Variants in MTUS2 observed in about 807,000 individuals in gnomAD.
The protein encoded by MTUS2 is microtubule-associated tumor suppressor candidate 2.
A neutral mutation model predicts 114.1 loss-of-function variants in MTUS2; 40 were observed. The observed-to-expected ratio is 0.35, with a 90% CI of 0.27 to 0.46. MTUS2 has a LOEUF of 0.46. MTUS2 is among the 20% of genes least tolerant of loss of function. The probability of loss-of-function intolerance (pLI) is 1.00; values close to 1 mark genes in which losing one functional copy is unlikely to be tolerated. For missense variants in MTUS2, 1,679 were observed against 1,705.4 expected (o/e 0.98, Z 0.27); for synonymous variants, 688 against 672.0 (o/e 1.02, Z -0.37).
intron 2 of MTUS2, among the ~76,000 whole-genome samples, chr13:28,844,068 ATGT>A (rs542231432): frequency 2.0e-5 from 3 of 152,244 alleles, no homozygotes; most frequent in Non-Finnish European, 4.4e-5. Context: ...AATTATTCAA[ATGT>A]TGTATGAGTT....
At chr13:28,903,791 T>A (rs1253352691) in intron 2 of MTUS2, among the ~76,000 whole-genome samples, 1 of 152,066 alleles carries the variant, frequency 6.6e-6, no homozygotes, top group African/African-American at 2.4e-5. Flanking sequence ...ATGGGATGGC[T>A]GGGTCAAATG....
At chr13:29,140,124 G>T (rs766709712) in intron 5 of MTUS2, among the ~76,000 whole-genome samples, 1 of 152,026 alleles carries the variant, frequency 6.6e-6, no homozygotes, top group Non-Finnish European at 1.5e-5. Flanking sequence ...CATCAACATA[G>T]AGAGATTTAT....
At chr13:29,130,278 T>C (rs145575140) in intron 5 of MTUS2, among the ~76,000 whole-genome samples, 46 of 152,338 alleles carry the variant, frequency 3.0e-4, no homozygotes, top group African/African-American at 9.9e-4. Context: ...CTTATTATAC[T>C]GGACACCACA....
chr13:28,899,596 G>A (rs1372387909), intron 2 of MTUS2, among the ~76,000 whole-genome samples: 2 of 152,012 alleles, frequency 1.3e-5, no homozygotes, highest in East Asian at 1.9e-4. Context: ...ATTTTTAGTA[G>A]AGACGGGGTT....
intron 8 of MTUS2, among the ~76,000 whole-genome samples, chr13:29,369,989 G>A (rs376702802): frequency 6.6e-5 from 10 of 152,140 alleles, no homozygotes; most frequent in African/African-American, 2.4e-4. Context: ...TACAAAGATG[G>A]TCAATAGTAA....
intron 2 of MTUS2, among the ~76,000 whole-genome samples, chr13:28,888,961 T>TA (rs1277159795): frequency 1.3e-5 from 2 of 152,132 alleles, no homozygotes; most frequent in Non-Finnish European, 2.9e-5. Flanking sequence ...AGAAATAAAA[T>TA]TGTATGCTAG....
chr13:29,090,849 C>A (rs1262197661), intron 4 of MTUS2, among the ~76,000 whole-genome samples: 2 of 152,370 alleles, frequency 1.3e-5, no homozygotes, highest in African/African-American at 4.8e-5. Flanking sequence ...CCATGCCAAA[C>A]CCTTTGGGAC....
intron 2 of MTUS2, among the ~76,000 whole-genome samples, chr13:28,851,416 A>T (rs1327773550): frequency 6.6e-6 from 1 of 152,254 alleles, no homozygotes; most frequent in Non-Finnish European, 1.5e-5. Context: ...AAGGAATCAG[A>T]GTACCTGTTT....
intron 5 of MTUS2, among the ~76,000 whole-genome samples, chr13:29,271,278 A>T (rs1419586633): frequency 1.3e-5 from 2 of 152,164 alleles, no homozygotes; most frequent in Non-Finnish European, 2.9e-5. Flanking sequence ...GTGAAGGTGG[A>T]TGAGTGAGAG....
intron 2 of MTUS2, among the ~76,000 whole-genome samples, chr13:28,955,121 TCCAAAGACTTTG>T (rs1566249667): frequency 6.6e-6 from 1 of 152,176 alleles, no homozygotes; most frequent in African/African-American, 2.4e-5. Context: ...TCTGATAGGA[TCCAAAGACTTTG>T]CCCTTTCTAA....
chr13:29,003,119 A>G (rs1014226423), intron 2 of MTUS2, among the ~76,000 whole-genome samples: 78 of 152,358 alleles, frequency 5.1e-4, no homozygotes, highest in Non-Finnish European at 2.5e-4. Flanking sequence ...CAGCTTTGCT[A>G]TAGAGATTGG....
chr13:29,455,847 G>A (rs1879068366), intron 9 of MTUS2, among the ~76,000 whole-genome samples: 1 of 152,030 alleles, frequency 6.6e-6, no homozygotes, highest in African/African-American at 2.4e-5. Flanking sequence ...TGGGCATGGT[G>A]GTGCACACTG....
chr13:28,951,468 C>T (rs1566247008), intron 2 of MTUS2, among the ~76,000 whole-genome samples: 2 of 152,050 alleles, frequency 1.3e-5, no homozygotes, highest in Non-Finnish European at 2.9e-5. Flanking sequence ...TCCTTCTCCT[C>T]CTAGTTTTGT....
chr13:28,841,678 T>TG (rs1566170439), intron 2 of MTUS2, among the ~76,000 whole-genome samples: 45 of 101,794 alleles, frequency 4.4e-4, no homozygotes, highest in Non-Finnish European at 6.5e-4. Flanking sequence ...GTGTGTGTGT[T>TG]TTTTTTTGTT....
chr13:29,059,351 C>T (rs1395347250), intron 4 of MTUS2, among the ~76,000 whole-genome samples: 1 of 151,828 alleles, frequency 6.6e-6, no homozygotes, highest in Non-Finnish European at 1.5e-5. Context: ...TGCAGGAGCC[C>T]CTTCCAATTA....
chr13:29,086,935 G>A (rs1251563353), intron 4 of MTUS2, among the ~76,000 whole-genome samples: 1 of 152,070 alleles, frequency 6.6e-6, no homozygotes, highest in Admixed American at 6.6e-5. Context: ...ATGGTACTGG[G>A]TTTTATATAT....
chr13:29,416,298 T>C (rs1294174176), intron 8 of MTUS2, among the ~76,000 whole-genome samples: 2 of 151,980 alleles, frequency 1.3e-5, no homozygotes, highest in Admixed American at 1.3e-4. Flanking sequence ...TATTTTACTC[T>C]CTTTATTCTG....
intron 5 of MTUS2, among the ~76,000 whole-genome samples, chr13:29,245,693 A>AGT (rs1896895083): frequency 1.5e-5 from 2 of 129,746 alleles, no homozygotes; most frequent in African/African-American, 5.8e-5. Context: ...CATCTATTTT[A>AGT]ATTTTTTTTT....
At chr13:29,277,686 C>T (rs748003516) in intron 5 of MTUS2, among the ~76,000 whole-genome samples, 4 of 152,220 alleles carry the variant, frequency 2.6e-5, no homozygotes, top group Non-Finnish European at 4.4e-5. Context: ...TCCCAGCCTC[C>T]CTTGATGGCT....
Sources: allele counts gnomAD v4.1 joint callset (sites outside exome capture counted in the v4.1 genomes callset), GRCh38; gene constraint gnomAD v4.1.1; transcripts MANE v1.5; gene names NCBI Gene and HGNC (gene_info 2026-07-23, HGNC 2026-07-21).